Variants in NCK2 observed in about 807,000 individuals in gnomAD.
The protein encoded by NCK2 is NCK adaptor protein 2, also known as cytoplasmic protein NCK2.
Under a neutral mutation model 33.9 loss-of-function variants are expected in NCK2, and 16 were observed. That is an observed-to-expected ratio of 0.47 (90% confidence interval 0.32 to 0.72). NCK2 has a LOEUF of 0.72. Among genes scored for constraint, NCK2 ranks in the 30% least tolerant of loss-of-function variants. The probability of loss-of-function intolerance (pLI) is 0.03; values close to 1 mark genes in which losing one functional copy is unlikely to be tolerated. For missense variants in NCK2, 418 were observed against 537.3 expected (o/e 0.78, Z 2.19); for synonymous variants, 273 against 239.9 (o/e 1.14, Z -1.27).
At chr2:105,838,963 AGAAAG>A (rs1296493878) in intron 2 of NCK2, among the ~76,000 whole-genome samples, 1 of 152,244 alleles carries the variant, frequency 6.6e-6, no homozygotes, top group African/African-American at 2.4e-5. Context: ...AGAAAACAGA[AGAAAG>A]GAATGGAGAG....
chr2:105,861,206 A>G (rs1677516383), intron 3 of NCK2, among the ~76,000 whole-genome samples: 1 of 152,208 alleles, frequency 6.6e-6, no homozygotes, highest in African/African-American at 2.4e-5. Context: ...CTGATTTTAG[A>G]TTTTAAGTGG....
chr2:105,828,531 G>A (rs996994305), intron 2 of NCK2, among the ~76,000 whole-genome samples: 3 of 152,248 alleles, frequency 2.0e-5, no homozygotes, highest in Non-Finnish European at 1.5e-5. Flanking sequence ...ACTTTGTCTC[G>A]ACTCTGAAGT....
intron 2 of NCK2, among the ~76,000 whole-genome samples, chr2:105,839,414 A>G (rs1421766631): frequency 1.3e-5 from 2 of 152,016 alleles, no homozygotes; most frequent in African/African-American, 2.4e-5. Context: ...GGTGGATCTG[A>G]GGCATATTTT....
chr2:105,805,019 C>G lies in NCK2; in HGVS notation c.-200-11411C>G, dbSNP rs1287089258. On this transcript the variant is annotated intron_variant, in intron 1 of 4. Transcript: ENST00000233154. ...AATGGGGGAGAAGAGTCATTTTATCCAGAGCCTGCCATGGGCCTCCCCATA... is the reference window on the plus strand; with the variant it reads ...AATGGGGGAGAAGAGTCATTTTATCGAGAGCCTGCCATGGGCCTCCCCATA... 2.0e-5 allele frequency among the ~76,000 whole-genome samples: 3 copies of G among 152,206 alleles called. No individual in the cohort carries two copies. In the East Asian group the frequency reaches 5.8e-4, roughly 29 times the overall value.
intron 2 of NCK2, among the ~76,000 whole-genome samples, chr2:105,829,423 G>T (rs1278204570): frequency 1.3e-5 from 2 of 152,010 alleles, no homozygotes; most frequent in African/African-American, 4.8e-5. Context: ...ATTAAGTAAG[G>T]TCTGTACTTT....
At chr2:105,809,405 AG>A (rs1230105851) in intron 1 of NCK2, among the ~76,000 whole-genome samples, 1 of 152,164 alleles carries the variant, frequency 6.6e-6, no homozygotes, top group Non-Finnish European at 1.5e-5. Context: ...AGGGCTCAGC[AG>A]GGTTGGTTTC....
intron 1 of NCK2, among the ~76,000 whole-genome samples, chr2:105,764,454 A>T (rs956347258): frequency 2.6e-4 from 39 of 152,228 alleles, no homozygotes; most frequent in African/African-American, 8.9e-4. Context: ...TTCGAGGCTC[A>T]GCCACAAAGC....
chr2:105,816,767 T>TA (rs1675505119), intron 2 of NCK2, among the ~76,000 whole-genome samples, 154 bp downstream of exon 2: 1 of 152,160 alleles, frequency 6.6e-6, no homozygotes, highest in Non-Finnish European at 1.5e-5. Flanking sequence ...AAAATTAGAT[T>TA]ATCTCTGTTC....
chr2:105,875,830 G>T (rs958809284), intron 3 of NCK2, among the ~76,000 whole-genome samples: 8 of 152,178 alleles, frequency 5.3e-5, no homozygotes, highest in Non-Finnish European at 8.8e-5. Flanking sequence ...GATACCATCA[G>T]ATCTCTAAGG....
chr2:105,843,165 A>G (rs1676714897), intron 2 of NCK2, among the ~76,000 whole-genome samples: 1 of 152,128 alleles, frequency 6.6e-6, no homozygotes, highest in African/African-American at 2.4e-5. Flanking sequence ...AATGGGACTC[A>G]AGTCTAAATG....
At chr2:105,860,508 T>C (rs1677478761) in intron 3 of NCK2, among the ~76,000 whole-genome samples, 1 of 152,068 alleles carries the variant, frequency 6.6e-6, no homozygotes, top group African/African-American at 2.4e-5. Flanking sequence ...GGCATCGCAT[T>C]GCTGGAGTGA....
intron 1 of NCK2, among the ~76,000 whole-genome samples, chr2:105,755,809 A>C (rs1689585407): frequency 6.6e-6 from 1 of 151,476 alleles, no homozygotes; most frequent in Admixed American, 6.6e-5. Flanking sequence ...TACAGAAGAA[A>C]ATTTGTCTTT....
chr2:105,838,579 C>T (rs950459803), intron 2 of NCK2, among the ~76,000 whole-genome samples: 14 of 152,066 alleles, frequency 9.2e-5, no homozygotes, highest in Admixed American at 9.2e-4. Context: ...GAATAAAAGA[C>T]CCCTTATTAT....
At chr2:105,830,625 T>A (rs1165612339) in intron 2 of NCK2, among the ~76,000 whole-genome samples, 1 of 151,110 alleles carries the variant, frequency 6.6e-6, no homozygotes, top group Non-Finnish European at 1.5e-5. Flanking sequence ...TTTGCACCAA[T>A]GGTAAATTAG....
chr2:105,881,658 C>A lies in NCK2; in HGVS notation c.557C>A (p.Ala186Asp). The change falls in exon 4 of 5, where the codon GCC (alanine) becomes GAC (aspartate). Residue 186 changes from alanine (A) to aspartate (D), a missense_variant. Coordinates refer to ENST00000233154, the MANE Select transcript of NCK2 (RefSeq NM_003581.5). ...SPSFLSLRKG[A>D]SLSNGQGSRV... ...AGCTTCCTGAGCCTGCGCAAGGGCG[C>A]CTCGCTGAGCAATGGCCAGGGCTCC... is the stretch of plus-strand genomic sequence containing the variant. 6.2e-7 allele frequency: 1 copy of A among 1,613,100 alleles called. No individual in the cohort carries two copies. Among genetic ancestry groups the A allele is most frequent in the South Asian group, 1.1e-5 (1 of 90,994 alleles).
rs550342484 is a variant in NCK2 at position 105,869,913 on chromosome 2, A to AT, written c.227-11406dup. On this transcript the variant is annotated intron_variant, in intron 3 of 4. Coordinates refer to ENST00000233154, the MANE Select transcript of NCK2 (RefSeq NM_003581.5). ...TGAGAAAATTCTATACTTTTAGACCATTTTTTTTTCAGGTTTAAATATTCT... is the reference window on the plus strand; with the variant it reads ...TGAGAAAATTCTATACTTTTAGACCATTTTTTTTTTCAGGTTTAAATATTCT... Among the ~76,000 whole-genome samples the AT allele has an allele frequency of 1.0e-3, 154 of 150,506 alleles. 1 individual carries two copies. The highest frequency in any genetic ancestry group is 4.9e-3 in the East Asian group (25 of 5,124).
chr2:105,748,402 T>C (rs1410549002), intron 1 of NCK2, among the ~76,000 whole-genome samples: 3 of 152,108 alleles, frequency 2.0e-5, no homozygotes, highest in African/African-American at 7.2e-5. Context: ...TTTCTTTTTT[T>C]AAGGCAGGGT....
intron 1 of NCK2, among the ~76,000 whole-genome samples, chr2:105,803,608 C>T (rs553540138): frequency 3.3e-5 from 5 of 152,242 alleles, no homozygotes; most frequent in Admixed American, 6.5e-5. Flanking sequence ...AGTTTCAAAG[C>T]AAGTCCTCAT....
intron 3 of NCK2, among the ~76,000 whole-genome samples, chr2:105,861,428 T>C (rs1677527320): frequency 6.6e-6 from 1 of 152,094 alleles, no homozygotes; most frequent in Non-Finnish European, 1.5e-5. Context: ...TGCTGTGTGC[T>C]GGATCCAGGA....
Sources: allele counts gnomAD v4.1 joint callset (sites outside exome capture counted in the v4.1 genomes callset), GRCh38; gene constraint gnomAD v4.1.1; transcripts MANE v1.5; gene names NCBI Gene and HGNC (gene_info 2026-07-23, HGNC 2026-07-21).